The following PDE3B variants were observed in gnomAD, a reference collection of about 807,000 sequenced individuals.
PDE3B encodes phosphodiesterase 3B.
Under a neutral mutation model 116.8 loss-of-function variants are expected in PDE3B, and 66 were observed. That is an observed-to-expected ratio of 0.56 (90% confidence interval 0.46 to 0.69). The LOEUF (loss-of-function observed/expected upper bound fraction) is 0.69. Among genes scored for constraint, PDE3B ranks in the 30% least tolerant of loss-of-function variants. PDE3B has a pLI of 0.00. For synonymous variants in PDE3B, 595 were observed against 533.6 expected, an observed-to-expected ratio of 1.12 and a Z score of -1.59; for missense variants, 1,384 against 1,368.1, an observed-to-expected ratio of 1.01 and a Z score of -0.18.
intron 1 of PDE3B, among the ~76,000 whole-genome samples, chr11:14,725,352 C>G (rs11023318): frequency 5.6e-4 from 79 of 140,516 alleles, no homozygotes; most frequent in African/African-American, 2.1e-3. Context: ...TTTCTTTCTT[C>G]TTTCTCCTCT....
chr11:14,844,265 G>C (rs1847539749), intron 12 of PDE3B, among the ~76,000 whole-genome samples: 1 of 152,190 alleles, frequency 6.6e-6, no homozygotes, highest in Non-Finnish European at 1.5e-5. Context: ...TCATTGTTTT[G>C]TGAAATTCTA....
chr11:14,859,445 G>T (rs896130550), intron 13 of PDE3B, among the ~76,000 whole-genome samples, 199 bp downstream of exon 13: 5 of 151,830 alleles, frequency 3.3e-5, no homozygotes, highest in African/African-American at 1.2e-4. Context: ...AAATATTATT[G>T]CTTGTTATAT....
the PDE3B span, among the ~76,000 whole-genome samples, chr11:14,888,986 A>G: frequency 6.6e-6 from 1 of 152,178 alleles, no homozygotes; most frequent in Non-Finnish European, 1.5e-5. Context: ...ATCTCCAAGG[A>G]AATGGTAATT....
At chr11:14,860,588 G>C (rs1469497518) in intron 13 of PDE3B, among the ~76,000 whole-genome samples, 1 of 151,996 alleles carries the variant, frequency 6.6e-6, no homozygotes, top group Non-Finnish European at 1.5e-5. Flanking sequence ...CCTCATAGCA[G>C]CATGGCTAGA....
intron 1 of PDE3B, among the ~76,000 whole-genome samples, chr11:14,708,818 A>G (rs1487336761): frequency 6.6e-6 from 1 of 152,008 alleles, no homozygotes; most frequent in Non-Finnish European, 1.5e-5. Flanking sequence ...TGTTAATAAT[A>G]AAACAAATAG....
chr11:14,772,213 T>G, intron 2 of PDE3B: 1 of 239,742 alleles, frequency 4.2e-6, no homozygotes, highest in Non-Finnish European at 8.0e-6. Context: ...ACAAAATTTA[T>G]ATAAATTGTT....
At chr11:14,750,023 A>G (rs1028029929) in intron 1 of PDE3B, among the ~76,000 whole-genome samples, 4 of 150,334 alleles carry the variant, frequency 2.7e-5, no homozygotes, top group African/African-American at 9.8e-5. Flanking sequence ...TTGAGACCCA[A>G]GAAGAGAGGA....
rs373348482 is a variant in PDE3B, at chr11:14,644,142, C to A, written c.67C>A (p.Pro23Thr). The A allele has an allele frequency of 3.8e-5, 60 of 1,589,088 alleles. No individual in the cohort carries two copies. Among genetic ancestry groups the A allele is most frequent in the Non-Finnish European group, 4.7e-5 (55 of 1,175,736 alleles). Residue 23 changes from proline to threonine, a missense_variant, in exon 1 of 16, where the codon CCC (proline) becomes ACC (threonine). Pro to Thr is a conservative substitution (Grantham distance 38). Around this residue, in one of 2 missense-constraint regions of PDE3B, gnomAD observed 956 missense variants for 806.8 expected, o/e 1.18. Transcript: ENST00000282096. The part of the protein sequence containing the change: ...SLQPPDGAGS[P>T]PESLRNGYVK... ...GCAGCCGCCGGATGGGGCCGGCTCG[C>A]CCCCCGAGAGTCTGAGGAACGGCTA...
In PDE3B at chr11:14,644,731, G is replaced by C. The variant is rs780508170; in HGVS notation, c.656G>C (p.Cys219Ser). Residue 219 changes from cysteine (C) to serine (S), a missense_variant, in exon 1 of 16, where the codon TGC (cysteine) becomes TCC (serine). Cys to Ser is a moderately radical substitution (Grantham distance 112). Transcript: ENST00000282096. ...GCGCACCCGCTGCGGCTCCGGCACTGCGTTCTGGTGCTGCTCCTGGCCAGC... is the reference window on the plus strand; with the variant it reads ...GCGCACCCGCTGCGGCTCCGGCACTCCGTTCTGGTGCTGCTCCTGGCCAGC... ...TLAHPLRLRH[C>S]VLVLLLASFV... The C allele has an allele frequency of 6.4e-7, 1 of 1,566,036 alleles. No homozygotes were observed. The highest frequency in any genetic ancestry group is 8.6e-7 in the Non-Finnish European group (1 of 1,157,680).
chr11:14,812,277 C>T (rs1454853470), intron 5 of PDE3B, among the ~76,000 whole-genome samples: 1 of 152,096 alleles, frequency 6.6e-6, no homozygotes, highest in Admixed American at 6.6e-5. Flanking sequence ...TCTTAAAAGG[C>T]TGTTTAAAAA....
At chr11:14,685,441 C>A (rs1339393197) in intron 1 of PDE3B, among the ~76,000 whole-genome samples, 1 of 123,180 alleles carries the variant, frequency 8.1e-6, no homozygotes, top group East Asian at 2.4e-4. Flanking sequence ...GAACATTTTT[C>A]TCATCTTTTT....
intron 1 of PDE3B, among the ~76,000 whole-genome samples, chr11:14,751,409 T>C (rs971453018): frequency 1.3e-5 from 2 of 152,210 alleles, no homozygotes; most frequent in Non-Finnish European, 2.9e-5. Context: ...ATACGCCATC[T>C]AATAATAAAT....
the PDE3B span, chr11:14,879,046 A>T: frequency 7.9e-7 from 1 of 1,260,226 alleles, no homozygotes; most frequent in Non-Finnish European, 1.2e-6. Context: ...CTTCAGATTA[A>T]GATGCTGTAT....
intron 1 of PDE3B, among the ~76,000 whole-genome samples, chr11:14,727,563 A>G (rs1026371189): frequency 6.6e-6 from 1 of 152,164 alleles, no homozygotes; most frequent in African/African-American, 2.4e-5. Context: ...TTGTTTTGGT[A>G]AAGTTAATAC....
chr11:14,660,466 T>G (rs1853864381), intron 1 of PDE3B, among the ~76,000 whole-genome samples: 1 of 151,784 alleles, frequency 6.6e-6, no homozygotes, highest in South Asian at 2.1e-4. Context: ...CATTCCTGGC[T>G]ATTTTTTTTT....
intron 5 of PDE3B, among the ~76,000 whole-genome samples, chr11:14,807,255 A>G (rs1338852337): frequency 6.6e-6 from 1 of 152,206 alleles, no homozygotes; most frequent in Non-Finnish European, 1.5e-5. Flanking sequence ...TTAAAGTATA[A>G]TAATAATAAA....
At chr11:14,830,877 T>A in intron 8 of PDE3B, 31 bp downstream of exon 8, 1 of 1,415,630 alleles carries the variant, frequency 7.1e-7, no homozygotes, top group Non-Finnish European at 9.4e-7. Flanking sequence ...ATGATTATGT[T>A]AAGGTGAAAT....
intron 7 of PDE3B, among the ~76,000 whole-genome samples, chr11:14,820,151 C>CAAATA (rs915654393): frequency 6.7e-6 from 1 of 150,156 alleles, no homozygotes; most frequent in Non-Finnish European, 1.5e-5. Flanking sequence ...GGATTGTTAA[C>CAAATA]AAATAAAATA....
At chr11:14,794,283 T>C (rs1240494403) in intron 4 of PDE3B, among the ~76,000 whole-genome samples, 1 of 151,788 alleles carries the variant, frequency 6.6e-6, no homozygotes. Flanking sequence ...AGACATAAGC[T>C]AGGTGTCCTA....
Sources: gnomAD v4.1 joint callset for allele counts (sites outside exome capture counted in the v4.1 genomes callset) on GRCh38, gnomAD v4.1.1 for gene constraint, gnomAD v4.1.1 regional missense constraint, MANE v1.5 for transcripts, NCBI Gene and HGNC (gene_info 2026-07-23, HGNC 2026-07-21) for gene names.